The following ORC2 variants were observed in gnomAD, a reference collection of about 807,000 sequenced individuals.
ORC2 encodes origin recognition complex subunit 2, also known as origin recognition complex protein 2 homolog.
A neutral mutation model predicts 77.7 loss-of-function variants in ORC2; 37 were observed. The observed-to-expected ratio is 0.48, with a 90% CI of 0.37 to 0.63. ORC2 has a LOEUF of 0.63. ORC2 is among the 20% of genes least tolerant of loss of function. ORC2 has a pLI of 0.00. For synonymous variants in ORC2, 201 were observed against 229.5 expected, an observed-to-expected ratio of 0.88 and a Z score of 1.12; for missense variants, 557 against 661.9, an observed-to-expected ratio of 0.84 and a Z score of 1.74.
intron 1 of ORC2, among the ~76,000 whole-genome samples, chr2:200,962,632 G>A (rs2125046731): frequency 6.6e-6 from 1 of 152,254 alleles, no homozygotes; most frequent in South Asian, 2.1e-4. Context: ...TTACTGCAGT[G>A]CACTGAGATA....
At chr2:200,941,611 A>G (rs2041153956) in intron 6 of ORC2, among the ~76,000 whole-genome samples, 1 of 151,958 alleles carries the variant, frequency 6.6e-6, no homozygotes, top group African/African-American at 2.4e-5. Context: ...TTTCATGATT[A>G]CTCACATTTT....
chr2:200,957,223 T>C (rs915208068), intron 4 of ORC2, among the ~76,000 whole-genome samples, 178 bp downstream of exon 4: 2 of 152,206 alleles, frequency 1.3e-5, no homozygotes, highest in South Asian at 2.1e-4. Context: ...CTGAAAACTA[T>C]GTGCAGGACT....
At chr2:200,937,642 A>G (rs894735735) in intron 8 of ORC2, among the ~76,000 whole-genome samples, 2 of 152,232 alleles carry the variant, frequency 1.3e-5, no homozygotes, top group African/African-American at 4.8e-5. Flanking sequence ...TTATTTCATT[A>G]TAAAATTTCC....
chr2:200,935,664 T>G, intron 9 of ORC2, 35 bp downstream of exon 9: 1 of 1,434,870 alleles, frequency 7.0e-7, no homozygotes, highest in Non-Finnish European at 9.4e-7. Context: ...ATTACACAAT[T>G]TTTCTTTAAG....
intron 4 of ORC2, among the ~76,000 whole-genome samples, chr2:200,950,575 G>A (rs568127279): frequency 6.6e-6 from 1 of 152,310 alleles, no homozygotes; most frequent in Admixed American, 6.5e-5. Context: ...GTATGCCAGA[G>A]ACGACATGAT....
At chr2:200,917,563 C>CT (rs1003514542) in intron 15 of ORC2, among the ~76,000 whole-genome samples, 6 of 152,148 alleles carry the variant, frequency 3.9e-5, no homozygotes, top group African/African-American at 1.4e-4. Flanking sequence ...GATGGTACAG[C>CT]TGAGTGTATA....
intron 5 of ORC2, among the ~76,000 whole-genome samples, chr2:200,944,506 G>A (rs970652643): frequency 2.6e-5 from 4 of 151,936 alleles, no homozygotes; most frequent in Non-Finnish European, 5.9e-5. Context: ...ACAGAGATAG[G>A]CAGACATTCC....
At chr2:200,932,137 G>A (rs1380220722) in intron 10 of ORC2, among the ~76,000 whole-genome samples, 1 of 151,662 alleles carries the variant, frequency 6.6e-6, no homozygotes, top group South Asian at 2.1e-4. Context: ...AAAGCAAACA[G>A]AACTACCTTT....
At chr2:200,926,694 C>T (rs886740693) in intron 12 of ORC2, 74 bp downstream of exon 12, 3 of 1,470,928 alleles carry the variant, frequency 2.0e-6, no homozygotes, top group Admixed American at 1.7e-5. Flanking sequence ...CTTTAATACT[C>T]CATCCTCATT....
At chr2:200,930,434 T>A (rs755001807) in intron 11 of ORC2, among the ~76,000 whole-genome samples, 3 of 151,822 alleles carry the variant, frequency 2.0e-5, no homozygotes, top group African/African-American at 7.3e-5. Flanking sequence ...TTATAATGCA[T>A]AGATCCATAA....
Position 200,929,999 on chromosome 2 carries a change from A to T in ORC2, c.917+1340T>A, listed in dbSNP as rs530397318. 1.3e-4 allele frequency among the ~76,000 whole-genome samples: 20 copies of T among 152,278 alleles called. No homozygotes were observed. In the South Asian group the frequency reaches 4.1e-3, roughly 32 times the overall value. On this transcript the variant is annotated intron_variant, in intron 11 of 17. Coordinates refer to ENST00000234296, the MANE Select transcript of ORC2 (RefSeq NM_006190.5). ...ATACATTCAGATATCCAGGTCTGCTACTGAGAGTGAGGTATGGGTTGGAGG... is the reference window on the plus strand; with the variant it reads ...ATACATTCAGATATCCAGGTCTGCTTCTGAGAGTGAGGTATGGGTTGGAGG...
At chr2:200,930,010 G>A (rs1374889231) in intron 11 of ORC2, among the ~76,000 whole-genome samples, 1 of 151,986 alleles carries the variant, frequency 6.6e-6, no homozygotes, top group African/African-American at 2.4e-5. Flanking sequence ...CTGAGAGTGA[G>A]GTATGGGTTG....
chr2:200,956,409 G>C (rs2041464914), intron 4 of ORC2, among the ~76,000 whole-genome samples: 1 of 151,994 alleles, frequency 6.6e-6, no homozygotes, highest in East Asian at 1.9e-4. Flanking sequence ...TCAAACTCCT[G>C]GACTCAAGCG....
intron 2 of ORC2, among the ~76,000 whole-genome samples, chr2:200,959,094 C>T (rs1320168497): frequency 1.3e-5 from 2 of 152,166 alleles, no homozygotes; most frequent in Non-Finnish European, 2.9e-5. Context: ...AGCAATCCTC[C>T]CATCTCAACC....
chr2:200,938,103 C>A, intron 7 of ORC2, 137 bp from the exon 8 acceptor site: 1 of 590,004 alleles, frequency 1.7e-6, no homozygotes, highest in Non-Finnish European at 3.0e-6. Flanking sequence ...GTTCCTAGAA[C>A]TAGAAGATTA....
At chr2:200,936,656 G>A (rs1053450255) in intron 8 of ORC2, among the ~76,000 whole-genome samples, 1 of 152,044 alleles carries the variant, frequency 6.6e-6, no homozygotes, top group African/African-American at 2.4e-5. Flanking sequence ...TACTGAAAAC[G>A]TCATACTAAC....
At chr2:200,949,769 T>A (rs2041317738) in intron 4 of ORC2, 126 bp from the exon 5 acceptor site, 3 of 473,908 alleles carry the variant, frequency 6.3e-6, no homozygotes, top group Admixed American at 7.7e-5. Flanking sequence ...TATATTTATA[T>A]ATAAAATATT....
intron 7 of ORC2, among the ~76,000 whole-genome samples, chr2:200,939,977 G>A (rs1275620332): frequency 1.3e-5 from 2 of 152,194 alleles, no homozygotes; most frequent in East Asian, 3.8e-4. Flanking sequence ...ACCTAGACTT[G>A]TCTAAATAGG....
At chr2:200,927,185 G>T (rs960821027) in intron 11 of ORC2, among the ~76,000 whole-genome samples, 2 of 151,816 alleles carry the variant, frequency 1.3e-5, no homozygotes, top group African/African-American at 4.8e-5. Flanking sequence ...CCAGGTTCAA[G>T]CAACTCTTCA....
Sources: gnomAD v4.1 joint callset for allele counts (sites outside exome capture counted in the v4.1 genomes callset) on GRCh38, gnomAD v4.1.1 for gene constraint, MANE v1.5 for transcripts, NCBI Gene and HGNC (gene_info 2026-07-23, HGNC 2026-07-21) for gene names.